CDKL4: variants seen among roughly 807,000 people sequenced by gnomAD.
CDKL4 encodes cyclin-dependent kinase-like 4.
In CDKL4, 44 loss-of-function variants were observed where a neutral mutation model predicts 42.0. The ratio of observed to expected loss-of-function variants is 1.05; its 90% CI spans 0.82 to 1.35. The LOEUF is 1.35. Among genes scored for constraint, CDKL4 ranks in the 40% most tolerant of loss-of-function variants. The pLI is 0.00. For missense variants in CDKL4, 393 were observed against 369.9 expected (o/e 1.06, Z -0.51); for synonymous variants, 120 against 121.6 (o/e 0.99, Z 0.09).
At chr2:39,192,578 G>A (rs974907740) in intron 5 of CDKL4, among the ~76,000 whole-genome samples, 3 of 145,368 alleles carry the variant, frequency 2.1e-5, no homozygotes, top group African/African-American at 5.0e-5. Context: ...TCACTATGTT[G>A]CTCAGGCCTG....
intron 4 of CDKL4, among the ~76,000 whole-genome samples, chr2:39,206,140 G>GC (rs1677173283): frequency 1.3e-5 from 2 of 151,406 alleles, no homozygotes; most frequent in Non-Finnish European, 2.9e-5. Flanking sequence ...TGCAACCTCC[G>GC]CCCCCCGGGT....
chr2:39,196,256 T>C (rs904837192), intron 5 of CDKL4, among the ~76,000 whole-genome samples: 2 of 152,184 alleles, frequency 1.3e-5, no homozygotes, highest in African/African-American at 4.8e-5. Context: ...AGGACCCTCA[T>C]AGAGTCCACT....
At chr2:39,184,848 C>T (rs561931350) in intron 7 of CDKL4, among the ~76,000 whole-genome samples, 13 of 151,976 alleles carry the variant, frequency 8.6e-5, no homozygotes, top group Non-Finnish European at 1.3e-4. Flanking sequence ...GATTTTTCCA[C>T]CTCAGCCTCC....
At chr2:39,170,116 G>A in the CDKL4 span, among the ~76,000 whole-genome samples, 187 of 151,788 alleles carry the variant, frequency 1.2e-3, 1 homozygote, top group African/African-American at 4.4e-3. Flanking sequence ...CACCTGCCTC[G>A]GCCTCCCAAA....
intron 1 of CDKL4, among the ~76,000 whole-genome samples, chr2:39,242,490 G>A (rs939507196): frequency 6.6e-6 from 1 of 152,206 alleles, no homozygotes; most frequent in African/African-American, 2.4e-5. Flanking sequence ...ATAGAACTGA[G>A]CCCACTTATG....
intron 3 of CDKL4, among the ~76,000 whole-genome samples, chr2:39,223,424 T>C (rs1678494928): frequency 6.6e-6 from 1 of 152,134 alleles, no homozygotes; most frequent in East Asian, 1.9e-4. Context: ...GGAGGTCTGA[T>C]TCCCTGACTG....
At chr2:39,202,738 A>G (rs755486473) in intron 5 of CDKL4, among the ~76,000 whole-genome samples, 4 of 152,202 alleles carry the variant, frequency 2.6e-5, no homozygotes, top group East Asian at 1.9e-4. Flanking sequence ...CTTCTTTTGC[A>G]TGTGGATATC....
At chr2:39,223,930 T>C (rs113262660) in intron 3 of CDKL4, among the ~76,000 whole-genome samples, 12 of 152,280 alleles carry the variant, frequency 7.9e-5, no homozygotes, top group African/African-American at 2.9e-4. Context: ...GCTTCCCATG[T>C]TCACTGGAAG....
At chr2:39,198,398 C>T (rs190922571) in intron 5 of CDKL4, among the ~76,000 whole-genome samples, 2 of 152,156 alleles carry the variant, frequency 1.3e-5, no homozygotes, top group Non-Finnish European at 2.9e-5. Context: ...TAGTGGAGGA[C>T]TTCAACACTC....
intron 4 of CDKL4, among the ~76,000 whole-genome samples, chr2:39,205,358 A>G (rs1677098019): frequency 6.6e-6 from 1 of 152,188 alleles, no homozygotes; most frequent in Non-Finnish European, 1.5e-5. Context: ...AAAAACTTGC[A>G]GATTTGAGAA....
intron 4 of CDKL4, among the ~76,000 whole-genome samples, chr2:39,208,954 G>A (rs1220013657): frequency 6.6e-6 from 1 of 151,860 alleles, no homozygotes; most frequent in Non-Finnish European, 1.5e-5. Context: ...CAAAACATGA[G>A]TATCAACAAG....
the CDKL4 span, among the ~76,000 whole-genome samples, chr2:39,168,445 A>C: frequency 6.6e-6 from 1 of 152,210 alleles, no homozygotes; most frequent in Admixed American, 6.5e-5. Flanking sequence ...TTAAAAGTTG[A>C]CTGAGCCAGG....
upstream of CDKL4, among the ~76,000 whole-genome samples, chr2:39,247,058 T>C (rs573254526): frequency 6.6e-6 from 1 of 152,354 alleles, no homozygotes; most frequent in African/African-American, 2.4e-5. Flanking sequence ...CTTGTTTTAA[T>C]ACTACTTACT....
chr2:39,222,547 C>T (rs1462645649), intron 3 of CDKL4, among the ~76,000 whole-genome samples: 2 of 151,840 alleles, frequency 1.3e-5, no homozygotes, highest in African/African-American at 2.4e-5. Context: ...CCGAGATCGC[C>T]CCACTGCACT....
At chr2:39,173,469 G>C (rs1023199447), downstream of CDKL4, among the ~76,000 whole-genome samples, 1 of 152,132 alleles carries the variant, frequency 6.6e-6, no homozygotes. Context: ...TTGAGCCCAG[G>C]AGTTTGAGAT....
At chr2:39,168,936 T>C in the CDKL4 span, among the ~76,000 whole-genome samples, 1 of 151,946 alleles carries the variant, frequency 6.6e-6, no homozygotes, top group African/African-American at 2.4e-5. Flanking sequence ...TTTGTATTTT[T>C]AGTAAAGACG....
At chr2:39,172,254 G>A (rs543734423), downstream of CDKL4, among the ~76,000 whole-genome samples, 9 of 151,850 alleles carry the variant, frequency 5.9e-5, no homozygotes, top group African/African-American at 1.9e-4. Context: ...AGAGGTTGCA[G>A]TGAGCCAAGA....
At chr2:39,179,441 AT>A (rs1385499924) in intron 8 of CDKL4, 120 bp from the exon 9 acceptor site, 4 of 771,912 alleles carry the variant, frequency 5.2e-6, no homozygotes, top group Non-Finnish European at 7.8e-6. Context: ...CAGTTTGTGT[AT>A]TATCAAGTAG....
chr2:39,229,289 T>G, intron 2 of CDKL4, 76 bp downstream of exon 2: 1 of 1,103,586 alleles, frequency 9.1e-7, no homozygotes, highest in Admixed American at 2.9e-5. Flanking sequence ...AAAATAACTT[T>G]AAAATTCTTT....
Sources: allele counts gnomAD v4.1 joint callset (sites outside exome capture counted in the v4.1 genomes callset), GRCh38; gene constraint gnomAD v4.1.1; transcripts MANE v1.5; gene names NCBI Gene and HGNC (gene_info 2026-07-23, HGNC 2026-07-21).